Variants in TEKT5 observed in about 807,000 individuals in gnomAD.
TEKT5 encodes tektin 5.
TEKT5 carries 52 observed loss-of-function variants against 48.7 expected under a neutral mutation model. The observed-to-expected ratio is 1.07, with a 90% CI of 0.86 to 1.35. TEKT5 has a LOEUF of 1.35. TEKT5 is among the 40% of genes most tolerant of loss of function. TEKT5 has a pLI of 0.00. For synonymous variants in TEKT5, 318 were observed against 267.6 expected (o/e 1.19, Z -1.84); for missense variants, 831 against 641.6 (o/e 1.30, Z -3.19).
chr16:10,675,545 G>A (rs1012074301), intron 5 of TEKT5, among the ~76,000 whole-genome samples: 6 of 152,148 alleles, frequency 3.9e-5, no homozygotes, highest in African/African-American at 9.7e-5. Context: ...TTACGGTACC[G>A]TTCAGGCCTT....
At chr16:10,652,679 G>A (rs912947217) in intron 5 of TEKT5, among the ~76,000 whole-genome samples, 4 of 8,936 alleles carry the variant, frequency 4.5e-4, no homozygotes, top group Admixed American at 1.9e-3. Flanking sequence ...ATATACACAG[G>A]CAGACACACA....
At chr16:10,655,668 T>C (rs1898249299) in intron 5 of TEKT5, among the ~76,000 whole-genome samples, 1 of 152,200 alleles carries the variant, frequency 6.6e-6, no homozygotes, top group Non-Finnish European at 1.5e-5. Context: ...TTTGGGACTC[T>C]TGGGAAGTCT....
intron 5 of TEKT5, among the ~76,000 whole-genome samples, chr16:10,659,994 A>G (rs1047758662): frequency 2.0e-5 from 3 of 152,148 alleles, no homozygotes; most frequent in African/African-American, 7.2e-5. Flanking sequence ...TTTTGTCTCC[A>G]CCACTCTCAA....
chr16:10,679,028 C>T lies in TEKT5; in HGVS notation c.864-2847G>A, dbSNP rs953636046. Among the ~76,000 whole-genome samples the T allele has an allele frequency of 1.4e-3, 211 of 152,164 alleles. 4 individuals carry two copies. Among genetic ancestry groups the T allele is most frequent in the Admixed American group, 0.014 (210 of 15,278 alleles). ...TTCAGAATCACAGCTCTGCCATTTG[C>T]TGTGTGAGCTTGAGCCAATCGATTC... On this transcript the variant is annotated intron_variant, in intron 4 of 6. Coordinates refer to ENST00000283025, the MANE Select transcript of TEKT5 (RefSeq NM_144674.2).
In TEKT5 at chr16:10,657,067, G is replaced by GAC. The variant is rs372365088; in HGVS notation, c.1086+18890_1086+18891dup. Among the ~76,000 whole-genome samples the GAC allele has an allele frequency of 1.9e-3, 293 of 151,518 alleles. 4 individuals carry two copies. Among genetic ancestry groups the GAC allele is most frequent in the African/African-American group, 6.9e-3 (287 of 41,296 alleles). ...ATTTTTGACTTGAAATTCAAGCCTA[G>GAC]ACTCAGATTGATGGACAATTAGTTG... On this transcript the variant is annotated intron_variant, in intron 5 of 6. Transcript: ENST00000283025.
At chr16:10,659,864 G>C (rs1374151753) in intron 5 of TEKT5, among the ~76,000 whole-genome samples, 2 of 152,168 alleles carry the variant, frequency 1.3e-5, no homozygotes, top group African/African-American at 4.8e-5. Context: ...GACGGAAATG[G>C]AACTGGGTAG....
At chr16:10,643,854 ATAGTGAGACCCCCGTCTC>A (rs1898031337) in intron 5 of TEKT5, among the ~76,000 whole-genome samples, 1 of 151,868 alleles carries the variant, frequency 6.6e-6, no homozygotes, top group African/African-American at 2.4e-5. Context: ...CCTGGGCCAC[ATAGTGAGACCCCCGTCTC>A]TACTAAAAAT....
chr16:10,648,643 GT>G, intron 5 of TEKT5, among the ~76,000 whole-genome samples: 1 of 152,210 alleles, frequency 6.6e-6, no homozygotes, highest in East Asian at 1.9e-4. Context: ...GCATCCCCTG[GT>G]TTTTAGATAA....
At chr16:10,667,538 G>A (rs902894406) in intron 5 of TEKT5, among the ~76,000 whole-genome samples, 1 of 152,202 alleles carries the variant, frequency 6.6e-6, no homozygotes, top group Non-Finnish European at 1.5e-5. Flanking sequence ...CCGACCACGT[G>A]GCAGCTTTGG....
chr16:10,652,021 G>A (rs549268697), intron 5 of TEKT5, among the ~76,000 whole-genome samples: 6 of 132,330 alleles, frequency 4.5e-5, no homozygotes, highest in African/African-American at 1.6e-4. Flanking sequence ...ATCCCAGCTC[G>A]AGCACATCCA....
intron 1 of TEKT5, chr16:10,690,623 T>C (rs1041524115): frequency 1.0e-6 from 1 of 985,264 alleles, no homozygotes; most frequent in Non-Finnish European, 1.2e-6. Flanking sequence ...AAACCCCTCT[T>C]TGCAGATCTC....
chr16:10,682,580 A>G (rs983882267), intron 3 of TEKT5, among the ~76,000 whole-genome samples: 1 of 152,160 alleles, frequency 6.6e-6, no homozygotes, highest in Admixed American at 6.5e-5. Flanking sequence ...CCCCTGCCTC[A>G]GTTTCCCAAA....
intron 5 of TEKT5, among the ~76,000 whole-genome samples, chr16:10,642,753 T>C (rs140892570): frequency 1.3e-5 from 2 of 152,316 alleles, no homozygotes; most frequent in East Asian, 3.9e-4. Flanking sequence ...AAACACCACA[T>C]GCTCTCACTC....
At chr16:10,656,500 G>A (rs754949006) in intron 5 of TEKT5, among the ~76,000 whole-genome samples, 6 of 150,430 alleles carry the variant, frequency 4.0e-5, no homozygotes, top group Admixed American at 6.6e-5. Context: ...CGATCCACCC[G>A]CCTTGGCCTC....
chr16:10,628,892 C>A (rs776490944), intron 6 of TEKT5, among the ~76,000 whole-genome samples: 1 of 133,878 alleles, frequency 7.5e-6, no homozygotes, highest in African/African-American at 3.3e-5. Flanking sequence ...GGAGCCTGAG[C>A]GAAACTCTGT....
chr16:10,635,956 C>G, intron 5 of TEKT5, 38 bp from the exon 6 acceptor site: 1 of 1,606,860 alleles, frequency 6.2e-7, no homozygotes, highest in Non-Finnish European at 8.5e-7. Context: ...CCCACCAGGC[C>G]CTTCTGACCT....
chr16:10,630,254 T>G (rs942091144), intron 6 of TEKT5, among the ~76,000 whole-genome samples: 3 of 151,810 alleles, frequency 2.0e-5, no homozygotes, highest in Non-Finnish European at 4.4e-5. Context: ...TTTTTTTTTT[T>G]AGACCAGATC....
intron 4 of TEKT5, among the ~76,000 whole-genome samples, chr16:10,677,873 G>C (rs1446710126): frequency 3.9e-5 from 6 of 152,152 alleles, no homozygotes; most frequent in African/African-American, 1.2e-4. Flanking sequence ...GCAGAGGATA[G>C]TCGGCCATGC....
At chr16:10,639,994 TTCC>T (rs1462167291) in intron 5 of TEKT5, among the ~76,000 whole-genome samples, 1 of 144,816 alleles carries the variant, frequency 6.9e-6, no homozygotes. Flanking sequence ...CTTCTTTTTC[TTCC>T]TCCTCTTCCT....
Sources: allele counts gnomAD v4.1 joint callset (sites outside exome capture counted in the v4.1 genomes callset), GRCh38; gene constraint gnomAD v4.1.1; transcripts MANE v1.5; gene names NCBI Gene and HGNC (gene_info 2026-07-23, HGNC 2026-07-21).